The following NCOA1 variants were observed in gnomAD, a reference collection of about 807,000 sequenced individuals.
NCOA1 encodes Hin-2 protein.
In NCOA1, 35 loss-of-function variants were observed where a neutral mutation model predicts 150.9. That is an observed-to-expected ratio of 0.23 (90% CI 0.18 to 0.31). The LOEUF (loss-of-function observed/expected upper bound fraction) is 0.31, where lower values mean the gene tolerates loss of function less well. Ranked by LOEUF, NCOA1 falls within the 10% of genes least tolerant of loss-of-function variation. NCOA1 has a pLI of 1.00. For synonymous variants in NCOA1, 590 were observed against 630.0 expected (o/e 0.94, Z 0.95); for missense variants, 1,491 against 1,749.3 (o/e 0.85, Z 2.63).
intron 1 of NCOA1, among the ~76,000 whole-genome samples, chr2:24,514,695 T>G (rs1221044610): frequency 1.3e-5 from 2 of 151,914 alleles, no homozygotes; most frequent in Non-Finnish European, 2.9e-5. Flanking sequence ...GGAGGATCGC[T>G]TAAGCTTGGG....
intron 1 of NCOA1, among the ~76,000 whole-genome samples, chr2:24,554,969 G>A (rs1207867183): frequency 6.6e-6 from 1 of 152,030 alleles, no homozygotes; most frequent in Admixed American, 6.6e-5. Flanking sequence ...CGTTGTCTGG[G>A]GTAAATACCC....
chr2:24,546,664 A>G (rs1364745387), intron 1 of NCOA1, among the ~76,000 whole-genome samples: 3 of 152,212 alleles, frequency 2.0e-5, no homozygotes, highest in Non-Finnish European at 4.4e-5. Flanking sequence ...TCAATTGTCT[A>G]CAGCAGTGAT....
intron 2 of NCOA1, among the ~76,000 whole-genome samples, chr2:24,570,852 C>T (rs193162371): frequency 7.9e-5 from 12 of 152,144 alleles, no homozygotes; most frequent in Non-Finnish European, 1.6e-4. Context: ...TGTTTTTCAA[C>T]GAGCAAATTG....
intron 3 of NCOA1, among the ~76,000 whole-genome samples, chr2:24,600,391 G>A (rs947016161): frequency 1.1e-4 from 17 of 152,140 alleles, no homozygotes; most frequent in Non-Finnish European, 5.9e-5. Flanking sequence ...ATTTTTTGTA[G>A]AGATGGGGTC....
At chr2:24,758,476 A>C (rs1234761694) in intron 21 of NCOA1, among the ~76,000 whole-genome samples, 1 of 151,736 alleles carries the variant, frequency 6.6e-6, no homozygotes, top group Non-Finnish European at 1.5e-5. Context: ...GACTGCAAGC[A>C]CATGTCACCC....
intron 3 of NCOA1, among the ~76,000 whole-genome samples, chr2:24,595,372 C>T (rs1667844630): frequency 6.6e-6 from 1 of 152,038 alleles, no homozygotes; most frequent in Non-Finnish European, 1.5e-5. Flanking sequence ...TTCAGAGGCT[C>T]ATTAAATCTG....
At chr2:24,755,182 A>G (rs1456673688) in intron 20 of NCOA1, among the ~76,000 whole-genome samples, 1 of 152,274 alleles carries the variant, frequency 6.6e-6, no homozygotes, top group Non-Finnish European at 1.5e-5. Context: ...GAATTAAAAC[A>G]TGAAACAGTC....
At chr2:24,642,303 CATTATATGTATA>C (rs1670267648) in intron 3 of NCOA1, among the ~76,000 whole-genome samples, 1 of 146,366 alleles carries the variant, frequency 6.8e-6, no homozygotes, top group African/African-American at 2.5e-5. Flanking sequence ...TGTGTTTACC[CATTATATGTATA>C]TAAATATATA....
At chr2:24,765,319 C>T (rs1311148112) in intron 22 of NCOA1, among the ~76,000 whole-genome samples, 4 of 151,466 alleles carry the variant, frequency 2.6e-5, no homozygotes, top group Admixed American at 1.3e-4. Context: ...CTGGCTAACA[C>T]GGTGAAACCG....
chr2:24,574,360 G>A (rs369437420), intron 2 of NCOA1, among the ~76,000 whole-genome samples: 13 of 151,970 alleles, frequency 8.6e-5, no homozygotes, highest in Admixed American at 7.9e-4. Context: ...TAATTCCTAT[G>A]GTGAGAACTA....
intron 6 of NCOA1, among the ~76,000 whole-genome samples, chr2:24,671,105 A>G (rs890540626): frequency 2.0e-5 from 3 of 152,170 alleles, no homozygotes; most frequent in African/African-American, 4.8e-5. Context: ...TTATTATAGC[A>G]CTGTAGTTAT....
intron 3 of NCOA1, among the ~76,000 whole-genome samples, chr2:24,638,442 T>C (rs975722063): frequency 6.6e-6 from 1 of 152,146 alleles, no homozygotes; most frequent in South Asian, 2.1e-4. Context: ...GCAGTCAACA[T>C]GGTAGTGCAG....
chr2:24,661,537 A>G (rs1163054960), intron 5 of NCOA1, among the ~76,000 whole-genome samples: 2 of 152,128 alleles, frequency 1.3e-5, no homozygotes, highest in Admixed American at 6.5e-5. Flanking sequence ...GTCTTGTTTA[A>G]TAATTTTTCT....
At chr2:24,760,306 A>ATTTTTTTTTTT (rs70947842) in intron 21 of NCOA1, among the ~76,000 whole-genome samples, 50 of 99,730 alleles carry the variant, frequency 5.0e-4, no homozygotes, top group South Asian at 1.4e-3. Context: ...TGCCCGGCTA[A>ATTTTTTTTTTT]TTTTTTTTTT....
intron 11 of NCOA1, among the ~76,000 whole-genome samples, chr2:24,704,562 A>T (rs1233794164): frequency 1.3e-5 from 2 of 152,166 alleles, no homozygotes; most frequent in Non-Finnish European, 2.9e-5. Flanking sequence ...GGATCATTTG[A>T]GGTCAGGAGT....
At chr2:24,547,840 T>A (rs1572405157) in intron 1 of NCOA1, among the ~76,000 whole-genome samples, 4 of 151,852 alleles carry the variant, frequency 2.6e-5, no homozygotes, top group South Asian at 2.1e-4. Flanking sequence ...TACAAAAAAA[T>A]TAGCCAAGCC....
chr2:24,657,512 A>G (rs1671000637), intron 4 of NCOA1, among the ~76,000 whole-genome samples: 1 of 152,240 alleles, frequency 6.6e-6, no homozygotes, highest in African/African-American at 2.4e-5. Context: ...GAAATTGAAA[A>G]TGTGCCTTTT....
chr2:24,670,554 C>A (rs1671637208), intron 6 of NCOA1, among the ~76,000 whole-genome samples: 1 of 152,062 alleles, frequency 6.6e-6, no homozygotes, highest in Admixed American at 6.6e-5. Flanking sequence ...CATGCTAAGC[C>A]AAAGAAGAAG....
chr2:24,622,504 T>C (rs1005523943), intron 3 of NCOA1, among the ~76,000 whole-genome samples: 3 of 152,200 alleles, frequency 2.0e-5, no homozygotes, highest in Admixed American at 6.5e-5. Context: ...GATTATATGG[T>C]GAAGACAAAT....
Sources: allele counts gnomAD v4.1 joint callset (sites outside exome capture counted in the v4.1 genomes callset), GRCh38; gene constraint gnomAD v4.1.1; transcripts MANE v1.5; gene names NCBI Gene and HGNC (gene_info 2026-07-23, HGNC 2026-07-21).